The following MDGA2 variants were observed in gnomAD, a reference collection of about 807,000 sequenced individuals.
MDGA2 encodes MAM domain-containing glycosylphosphatidylinositol anchor protein 2.
A neutral mutation model predicts 117.8 loss-of-function variants in MDGA2; 40 were observed. The ratio of observed to expected loss-of-function variants is 0.34; its 90% CI spans 0.26 to 0.44. The LOEUF (loss-of-function observed/expected upper bound fraction) is 0.44. MDGA2 is among the 20% of genes least tolerant of loss of function. The pLI, the probability that MDGA2 is intolerant of heterozygous loss-of-function variation, is 1.00. For synonymous variants in MDGA2, 452 were observed against 439.0 expected (o/e 1.03, Z -0.37); for missense variants, 1,123 against 1,250.6 (o/e 0.90, Z 1.54).
chr14:47,358,593 G>A (rs1594815222), intron 1 of MDGA2, among the ~76,000 whole-genome samples: 1 of 152,120 alleles, frequency 6.6e-6, no homozygotes, highest in Non-Finnish European at 1.5e-5. Context: ...CCTTAAGAAT[G>A]AATTAATGAG....
chr14:46,858,824 A>C (rs764709250), intron 14 of MDGA2, among the ~76,000 whole-genome samples: 1 of 152,158 alleles, frequency 6.6e-6, no homozygotes, highest in Non-Finnish European at 1.5e-5. Context: ...ATGGCTATGA[A>C]TCATATATTC....
At chr14:47,172,974 G>A (rs950843186) in intron 3 of MDGA2, among the ~76,000 whole-genome samples, 10 of 152,140 alleles carry the variant, frequency 6.6e-5, no homozygotes, top group East Asian at 1.9e-4. Flanking sequence ...GGAGCTGAAA[G>A]CCAAGGCTCG....
intron 5 of MDGA2, among the ~76,000 whole-genome samples, chr14:47,110,099 CTA>C (rs1449870904): frequency 2.0e-5 from 3 of 151,830 alleles, no homozygotes; most frequent in Admixed American, 6.6e-5. Context: ...TTAAACTTAC[CTA>C]TGTTTTATAT....
At chr14:47,465,696 T>A (rs1173131331) in intron 1 of MDGA2, among the ~76,000 whole-genome samples, 1 of 151,974 alleles carries the variant, frequency 6.6e-6, no homozygotes, top group African/African-American at 2.4e-5. Flanking sequence ...GCTGGCAAGG[T>A]GGCAGAAAAA....
At chr14:47,157,137 G>T (rs1298450690) in intron 3 of MDGA2, among the ~76,000 whole-genome samples, 1 of 152,068 alleles carries the variant, frequency 6.6e-6, no homozygotes, top group Non-Finnish European at 1.5e-5. Context: ...GGGAAATTTT[G>T]TTCAAATATT....
intron 1 of MDGA2, among the ~76,000 whole-genome samples, chr14:47,479,173 AATG>A (rs748041185): frequency 6.6e-6 from 1 of 152,202 alleles, no homozygotes; most frequent in African/African-American, 2.4e-5. Flanking sequence ...TGTAGGGTGA[AATG>A]ATGATGATTT....
intron 1 of MDGA2, among the ~76,000 whole-genome samples, chr14:47,420,142 T>G (rs547285593): frequency 6.6e-6 from 1 of 152,284 alleles, no homozygotes; most frequent in African/African-American, 2.4e-5. Context: ...ATATGGTAGC[T>G]TAATATTTTT....
At chr14:47,633,214 C>T (rs1283902052) in intron 1 of MDGA2, among the ~76,000 whole-genome samples, 2 of 151,502 alleles carry the variant, frequency 1.3e-5, no homozygotes, top group East Asian at 3.9e-4. Flanking sequence ...TTGTTCAAAT[C>T]TTCCACTATA....
At chr14:47,105,502 T>C (rs1480991901) in intron 5 of MDGA2, among the ~76,000 whole-genome samples, 1 of 151,810 alleles carries the variant, frequency 6.6e-6, no homozygotes, top group Non-Finnish European at 1.5e-5. Flanking sequence ...CCTCTTCAAC[T>C]CACACCTGAC....
chr14:47,462,720 C>T (rs1003652241), intron 1 of MDGA2, among the ~76,000 whole-genome samples: 2 of 151,758 alleles, frequency 1.3e-5, no homozygotes, highest in Admixed American at 1.3e-4. Context: ...TGACGTCATG[C>T]GAACAATGAA....
intron 1 of MDGA2, among the ~76,000 whole-genome samples, chr14:47,393,580 T>C (rs771700075): frequency 2.6e-5 from 4 of 152,084 alleles, no homozygotes; most frequent in Non-Finnish European, 5.9e-5. Flanking sequence ...TAAGGCCCCT[T>C]ATTTGCACAG....
intron 1 of MDGA2, among the ~76,000 whole-genome samples, chr14:47,463,286 T>C (rs531548524): frequency 2.0e-5 from 3 of 152,286 alleles, no homozygotes; most frequent in Admixed American, 2.0e-4. Context: ...AGAAATCATA[T>C]GAATGCTTGC....
In MDGA2 at chr14:47,571,554, C is replaced by T. The variant is rs545416365; in HGVS notation, c.280+102963G>A. ...ATTAAGAAAATGTGGCACATATACACCATGGAATACTATGCAGCCATAAAA... is the reference window on the plus strand; with the variant it reads ...ATTAAGAAAATGTGGCACATATACATCATGGAATACTATGCAGCCATAAAA... On this transcript the variant is annotated intron_variant, in intron 1 of 16. Transcript: ENST00000399232. Among the ~76,000 whole-genome samples, 3 of 152,196 alleles carry T rather than the reference C, an allele frequency of 2.0e-5. No homozygotes were observed. The East Asian group carries it at 5.8e-4, about 29-fold the overall frequency.
intron 8 of MDGA2, among the ~76,000 whole-genome samples, chr14:46,963,220 T>C (rs74359308): frequency 0.054 from 8,194 of 152,270 alleles, 336 homozygotes; most frequent in Admixed American, 0.11. Flanking sequence ...CCTTAAAATA[T>C]ATTAGGAGCT....
At chr14:47,040,497 C>T (rs1382793809) in intron 7 of MDGA2, among the ~76,000 whole-genome samples, 1 of 152,138 alleles carries the variant, frequency 6.6e-6, no homozygotes, top group Non-Finnish European at 1.5e-5. Context: ...AAATGTATCA[C>T]TCTGGAAATG....
chr14:47,168,396 T>C (rs1387930776), intron 3 of MDGA2, among the ~76,000 whole-genome samples: 1 of 151,774 alleles, frequency 6.6e-6, no homozygotes, highest in Non-Finnish European at 1.5e-5. Context: ...AAATTTACCA[T>C]AATTTCATTA....
At chr14:47,646,295 TAAGC>T (rs959235157) in intron 1 of MDGA2, among the ~76,000 whole-genome samples, 1 of 152,016 alleles carries the variant, frequency 6.6e-6, no homozygotes, top group Non-Finnish European at 1.5e-5. Flanking sequence ...ATTACTTCAT[TAAGC>T]TTTTCATATA....
intron 8 of MDGA2, among the ~76,000 whole-genome samples, chr14:46,969,759 G>A (rs913468105): frequency 6.6e-6 from 1 of 151,528 alleles, no homozygotes; most frequent in South Asian, 2.1e-4. Context: ...ACAGGAAGGG[G>A]AACATCACAC....
At chr14:47,388,047 A>G (rs1891800882) in intron 1 of MDGA2, among the ~76,000 whole-genome samples, 1 of 152,224 alleles carries the variant, frequency 6.6e-6, no homozygotes, top group Non-Finnish European at 1.5e-5. Flanking sequence ...GAAAATGATG[A>G]CAAACACTAT....
Sources: gnomAD v4.1 joint callset for allele counts (sites outside exome capture counted in the v4.1 genomes callset) on GRCh38, gnomAD v4.1.1 for gene constraint, MANE v1.5 for transcripts, NCBI Gene and HGNC (gene_info 2026-07-23, HGNC 2026-07-21) for gene names.